The following ZNF432 variants were observed in gnomAD, a reference collection of about 807,000 sequenced individuals.
ZNF432 encodes zinc finger protein 432.
In ZNF432, 10 loss-of-function variants were observed where a neutral mutation model predicts 13.9. The observed-to-expected ratio is 0.72, with a 90% CI of 0.44 to 1.22. The LOEUF (loss-of-function observed/expected upper bound fraction) is 1.22. Among genes scored for constraint, ZNF432 ranks in the 50% most tolerant of loss-of-function variants. The pLI, the probability that ZNF432 is intolerant of heterozygous loss-of-function variation, is 0.00. For missense variants in ZNF432, 793 were observed against 796.2 expected, an observed-to-expected ratio of 1.00 and a Z score of 0.05; for synonymous variants, 247 against 256.2, an observed-to-expected ratio of 0.96 and a Z score of 0.34.
At position 52,032,978 on chromosome 19, in the gene ZNF432, G is replaced by A. The variant is rs371026583; in HGVS notation, c.*742C>T. ...ATGATAATGCTGCTAGTATGTGTAA[G>A]TTCATTGATGATCTATTATGATCAC... On this transcript the variant is annotated 3_prime_UTR_variant, in exon 5 of 5. Coordinates refer to ENST00000221315, the MANE Select transcript of ZNF432 (RefSeq NM_014650.4). The A allele has an allele frequency of 5.9e-5, 9 of 152,132 alleles. No homozygotes were observed. Among genetic ancestry groups the A allele is most frequent in the African/African-American group, 2.2e-4 (9 of 41,428 alleles). The allele number at this position is 152,132 out of a possible 1,614,324, so 9.4% of individuals were successfully genotyped here.
Position 52,041,543 on chromosome 19 carries a change from G to T in ZNF432, c.79C>A (p.Pro27Thr). ...TCCCGGTACAAATCCTTCTGAAAAG[G>T]GCCCAGGAGCTGCCACTCCTCCCAG... is the stretch of plus-strand genomic sequence containing the variant. The part of the protein sequence containing the change: ...FTWEEWQLLG[P>T]FQKDLYRDVM... Residue 27 changes from proline (P) to threonine (T), a missense_variant, in exon 3 of 5, where the codon CCT (proline) becomes ACT (threonine). Transcript: ENST00000221315. 1 of 1,612,882 alleles carries T rather than the reference G, an allele frequency of 6.2e-7. No homozygotes were observed. The highest frequency in any genetic ancestry group is 8.5e-7 in the Non-Finnish European group (1 of 1,179,502).
intron 2 of ZNF432, among the ~76,000 whole-genome samples, chr19:52,045,580 TC>T (rs961825953): frequency 1.3e-5 from 2 of 151,322 alleles, no homozygotes; most frequent in African/African-American, 4.8e-5. Context: ...GGTCTTGAAC[TC>T]CCGACCTCAG....
At position 52,033,578 on chromosome 19, in the gene ZNF432, C is replaced by A. The variant is rs897918465; in HGVS notation, c.*142G>T. On this transcript the variant is annotated 3_prime_UTR_variant, in exon 5 of 5. Coordinates refer to ENST00000221315, the MANE Select transcript of ZNF432 (RefSeq NM_014650.4). Reference sequence around the variant, plus strand: ...GTTGAAGCCTTTCTGACATTGATAGCATTCATCCTAGTGAATAACACTGGA... The same window carrying A: ...GTTGAAGCCTTTCTGACATTGATAGAATTCATCCTAGTGAATAACACTGGA... The A allele has an allele frequency of 2.2e-6, 2 of 921,040 alleles. No homozygotes were observed. The highest frequency in any genetic ancestry group is 3.3e-5 in the African/African-American group (2 of 60,642). 57.1% of individuals were successfully genotyped at this position (921,040 alleles called of 1,614,324 possible).
chr19:52,043,782 G>GT (rs1568523812), intron 2 of ZNF432, among the ~76,000 whole-genome samples: 2 of 152,330 alleles, frequency 1.3e-5, no homozygotes, highest in Middle Eastern at 3.4e-3. Context: ...ATGTGTATGC[G>GT]TATCTAAAAG....
At chr19:52,037,825 T>C (rs573762072) in intron 4 of ZNF432, among the ~76,000 whole-genome samples, 1 of 151,906 alleles carries the variant, frequency 6.6e-6, no homozygotes, top group Admixed American at 6.6e-5. Flanking sequence ...ATCCAATTTT[T>C]CCCATTTCAA....
rs532143036 is a variant in ZNF432 at position 52,034,576 on chromosome 19, G to A, written c.1103C>T (p.Thr368Ile). 5.0e-6 allele frequency: 8 copies of A among 1,612,322 alleles called. No individual in the cohort carries two copies. Among genetic ancestry groups the A allele is most frequent in the Middle Eastern group, 1.7e-4 (1 of 6,050 alleles). The change falls in exon 5 of 5, where the codon ACA becomes ATA. Residue 368 changes from threonine to isoleucine, a missense_variant. Physicochemically the swap from Thr to Ile is moderately conservative, Grantham distance 89 (BLOSUM62 -1). Transcript: ENST00000221315. ...ATTGCATATATATGGTTTCTCTCCT[G>A]TATGATTTCGTTGATGTATGATGAC... ...HYVIIHQRNH[T>I]GEKPYICNEC...
At position 52,034,803 on chromosome 19, in the gene ZNF432, A is replaced by G; in HGVS notation, c.876T>C (p.Asn292=). Residue 292 remains asparagine (N), a synonymous_variant, in exon 5 of 5, where the codon AAT becomes AAC. Coordinates refer to ENST00000221315, the MANE Select transcript of ZNF432 (RefSeq NM_014650.4). Reference sequence around the variant, plus strand: ...TGCCTGGGAAGCCTTTTCCACATTCATTGCATATGTAGGGTTTCTCTCCAG... The same window carrying G: ...TGCCTGGGAAGCCTTTTCCACATTCGTTGCATATGTAGGGTTTCTCTCCAG... The part of the protein sequence containing the change: ...THTGEKPYIC[N]ECGKGFPGKR... The G allele has an allele frequency of 6.2e-7, 1 of 1,612,458 alleles. No homozygotes were observed. The highest frequency in any genetic ancestry group is 2.2e-5 in the East Asian group (1 of 44,850).
rs754555355 is a variant in ZNF432 at position 52,040,530 on chromosome 19, GTTC to G, written c.193_195del (p.Glu65del). ...TGCCTTTCATCTTCCATTGTCCATG[GTTC>G]TTCTCCTCGTTCCAACTTGGAGAGT... On this transcript the variant is annotated inframe_deletion, in exon 4 of 5. Coordinates refer to ENST00000221315, the MANE Select transcript of ZNF432 (RefSeq NM_014650.4). 4 of 1,613,988 alleles carry G rather than the reference GTTC, an allele frequency of 2.5e-6. No individual in the cohort carries two copies. Among genetic ancestry groups the G allele is most frequent in the South Asian group, 1.1e-5 (1 of 91,086 alleles).
At chr19:52,043,018 C>T (rs2087149896) in intron 2 of ZNF432, among the ~76,000 whole-genome samples, 1 of 152,184 alleles carries the variant, frequency 6.6e-6, no homozygotes, top group Non-Finnish European at 1.5e-5. Flanking sequence ...CTGAATGCCA[C>T]TGGAAAATAA....
At chr19:52,048,168 C>CACACACACACACACACAT (rs1568525337) in intron 1 of ZNF432, among the ~76,000 whole-genome samples, 2 of 144,318 alleles carry the variant, frequency 1.4e-5, no homozygotes, top group African/African-American at 2.9e-5. Context: ...CACACACACA[C>CACACACACACACACACAT]ACACACACAC....
At chr19:52,036,106 G>A (rs1330581666) in intron 4 of ZNF432, among the ~76,000 whole-genome samples, 1 of 152,084 alleles carries the variant, frequency 6.6e-6, no homozygotes. Flanking sequence ...ACAAAATTTT[G>A]GGAGACACCA....
chr19:52,043,116 G>C (rs1173216279), intron 2 of ZNF432, among the ~76,000 whole-genome samples: 6 of 152,176 alleles, frequency 3.9e-5, no homozygotes. Context: ...AGGCAGGAAA[G>C]AGCTAGGTGC....
At chr19:52,040,606 G>A in intron 3 of ZNF432, 23 bp from the exon 4 acceptor site, 2 of 1,597,140 alleles carry the variant, frequency 1.3e-6, no homozygotes, top group South Asian at 1.1e-5. Context: ...AATAATAGAA[G>A]ACAGACACAC....
chr19:52,044,312 C>T (rs1362941495), intron 2 of ZNF432, among the ~76,000 whole-genome samples: 2 of 151,650 alleles, frequency 1.3e-5, no homozygotes, highest in Non-Finnish European at 2.9e-5. Flanking sequence ...AAAGTCCTTA[C>T]CAGAAAGCAA....
At chr19:52,047,687 A>AAG (rs59660190) in intron 1 of ZNF432, among the ~76,000 whole-genome samples, 30 of 148,332 alleles carry the variant, frequency 2.0e-4, no homozygotes, top group African/African-American at 7.3e-4. Context: ...AAAAAAAAAA[A>AAG]TGTTTATATA....
chr19:52,039,048 A>T (rs1441700192), intron 4 of ZNF432, among the ~76,000 whole-genome samples: 1 of 152,248 alleles, frequency 6.6e-6, no homozygotes, highest in East Asian at 1.9e-4. Context: ...ACTGAAACCT[A>T]ATCAAAACTC....
At chr19:52,040,305 G>A in intron 4 of ZNF432, 183 bp downstream of exon 4, 1 of 623,792 alleles carries the variant, frequency 1.6e-6, no homozygotes, top group South Asian at 1.8e-5. Flanking sequence ...CACCAGCACA[G>A]ACAGGACAGA....
At chr19:52,043,419 A>AT (rs1406578228) in intron 2 of ZNF432, among the ~76,000 whole-genome samples, 5 of 152,166 alleles carry the variant, frequency 3.3e-5, no homozygotes, top group Non-Finnish European at 5.9e-5. Flanking sequence ...CAGGGACACA[A>AT]ACACTGCGGA....
intron 3 of ZNF432, 54 bp from the exon 4 acceptor site, chr19:52,040,637 A>G (rs2087126356): frequency 7.2e-7 from 1 of 1,380,140 alleles, no homozygotes; most frequent in Non-Finnish European, 1.0e-6. Context: ...TGGGGTATGT[A>G]ATGTGAGAGA....
Sources: allele counts gnomAD v4.1 joint callset (sites outside exome capture counted in the v4.1 genomes callset), GRCh38; gene constraint gnomAD v4.1.1; transcripts MANE v1.5; gene names NCBI Gene and HGNC (gene_info 2026-07-23, HGNC 2026-07-21).